The following IQANK1 variants were observed in gnomAD, a reference collection of about 807,000 sequenced individuals.
IQANK1 encodes IQ motif and ankyrin repeat containing 1.
IQANK1 carries 30 observed loss-of-function variants against 22.6 expected under a neutral mutation model. The observed-to-expected ratio is 1.33, with a 90% CI of 0.99 to 1.80. IQANK1 has a LOEUF of 1.80. Ranked by LOEUF, IQANK1 falls within the 40% of genes most tolerant of loss-of-function variation. The probability of loss-of-function intolerance (pLI) is 0.00; values close to 1 mark genes in which losing one functional copy is unlikely to be tolerated. For missense variants in IQANK1, 275 were observed against 235.2 expected (o/e 1.17, Z -1.11); for synonymous variants, 122 against 99.6 (o/e 1.23, Z -1.34).
chr8:143,740,004 G>A lies in IQANK1; in HGVS notation c.175+56G>A, dbSNP rs58681142. The A allele has an allele frequency of 0.017, 11,048 of 652,244 alleles. 865 individuals are homozygous for A. The African/African-American group carries it at 0.17, about 10-fold the overall frequency. 40.4% of individuals were successfully genotyped at this position (652,244 alleles called of 1,614,324 possible). ...GGTGACCGGGTGAGCTGTTGGCAGG[G>A]GGGTGCCCTGGCCCGGGACACGCTC... On this transcript the variant is annotated intron_variant, in intron 3 of 13. Coordinates refer to ENST00000527139, the MANE Select transcript of IQANK1 (RefSeq NM_001381874.1).
intron 3 of IQANK1, among the ~76,000 whole-genome samples, chr8:143,741,061 C>T (rs534059922): frequency 3.9e-5 from 6 of 152,184 alleles, no homozygotes; most frequent in Non-Finnish European, 5.9e-5. Context: ...TGCCCGGGAC[C>T]GTCTCCAATC....
At chr8:143,761,582 C>T (rs1554628884) in intron 3 of IQANK1, among the ~76,000 whole-genome samples, 1 of 152,134 alleles carries the variant, frequency 6.6e-6, no homozygotes, top group Non-Finnish European at 1.5e-5. Context: ...CCAACCTGGG[C>T]AACATAGTAA....
intron 3 of IQANK1, among the ~76,000 whole-genome samples, chr8:143,753,746 C>G (rs899918505): frequency 6.6e-6 from 1 of 152,164 alleles, no homozygotes; most frequent in Admixed American, 6.6e-5. Context: ...TGAGCCACCA[C>G]GCCCAGCTTT....
chr8:143,762,883 T>A (rs529108481), intron 3 of IQANK1, among the ~76,000 whole-genome samples: 3 of 152,306 alleles, frequency 2.0e-5, no homozygotes, highest in East Asian at 3.9e-4. Flanking sequence ...CCCCTAGTGA[T>A]GCTGTGTTTT....
rs1035551250 is a variant in IQANK1 at position 143,790,342 on chromosome 8, T to G, written c.1425-8T>G. 9.9e-6 allele frequency: 12 copies of G among 1,207,600 alleles called. No individual in the cohort carries two copies. In the South Asian group the frequency reaches 4.6e-4, roughly 46 times the overall value. The allele number at this position is 1,207,600 out of a possible 1,614,324, so 74.8% of individuals were successfully genotyped here. A position where few individuals can be genotyped will look rare whatever the true frequency, so the allele number is the denominator to read the frequency against. On this transcript the variant is annotated splice_polypyrimidine_tract_variant and splice_region_variant and intron_variant, in intron 13 of 13. Transcript: ENST00000527139. ...CCCCACCCTGGCCTCACCAGCCTCA[T>G]GGGGCAGGTATGGGAAGCCGCTGGT...
At chr8:143,786,577 G>A (rs181834412) in intron 7 of IQANK1, among the ~76,000 whole-genome samples, 4 of 152,276 alleles carry the variant, frequency 2.6e-5, no homozygotes, top group East Asian at 1.9e-4. Context: ...TAGCTCATCC[G>A]TTCATGATTA....
At chr8:143,759,134 T>G (rs1819345297) in intron 3 of IQANK1, 2 of 305,476 alleles carry the variant, frequency 6.5e-6, no homozygotes, top group South Asian at 7.2e-5. Flanking sequence ...AACACCACGA[T>G]GCTCCAGGAG....
intron 3 of IQANK1, among the ~76,000 whole-genome samples, chr8:143,763,968 C>T (rs1413352854): frequency 6.6e-6 from 1 of 151,978 alleles, no homozygotes; most frequent in Non-Finnish European, 1.5e-5. Flanking sequence ...TTCATTTCAA[C>T]GGAGTCACAA....
At chr8:143,751,223 T>C (rs1819182014) in intron 3 of IQANK1, among the ~76,000 whole-genome samples, 1 of 152,174 alleles carries the variant, frequency 6.6e-6, no homozygotes, top group Admixed American at 6.6e-5. Context: ...ATAATTCTTA[T>C]AAATGCACTG....
intron 3 of IQANK1, among the ~76,000 whole-genome samples, chr8:143,748,612 TATAA>T (rs1179627407): frequency 3.1e-5 from 4 of 129,504 alleles, no homozygotes; most frequent in Non-Finnish European, 4.6e-5. Flanking sequence ...ATATATAATA[TATAA>T]ATATATAATA....
At chr8:143,780,135 GATC>G (rs1243706258) in intron 7 of IQANK1, among the ~76,000 whole-genome samples, 14 of 152,064 alleles carry the variant, frequency 9.2e-5, no homozygotes, top group Admixed American at 8.5e-4. Flanking sequence ...CCTCTCCCCA[GATC>G]ATCATATCCT....
Position 143,751,064 on chromosome 8 carries a change from C to T in IQANK1, c.175+11116C>T, listed in dbSNP as rs114382005. ...TTACTATGGGGTTTACATTTAACACCCTAAAGTTCTAACTCTCCAATTTGA... is the reference window on the plus strand; with the variant it reads ...TTACTATGGGGTTTACATTTAACACTCTAAAGTTCTAACTCTCCAATTTGA... On this transcript the variant is annotated intron_variant, in intron 3 of 13. Transcript: ENST00000527139. 6.0e-3 allele frequency among the ~76,000 whole-genome samples: 915 copies of T among 151,424 alleles called. 13 individuals carry two copies. Among genetic ancestry groups the T allele is most frequent in the African/African-American group, 0.02 (842 of 41,278 alleles).
rs149079869 is a variant in IQANK1 at position 143,776,182 on chromosome 8, G to A, written c.789+3700G>A. On this transcript the variant is annotated intron_variant, in intron 7 of 13. Coordinates refer to ENST00000527139, the MANE Select transcript of IQANK1 (RefSeq NM_001381874.1). The stretch of plus-strand genomic sequence containing the variant: ...TAAAAATACAACAAATTAGCCGGGC[G>A]TGGTGGCGGGCGCCTGTAGTCCCAG... Among the ~76,000 whole-genome samples, 258 of 151,826 alleles carry A rather than the reference G, an allele frequency of 1.7e-3. 2 individuals are homozygous for A. The highest frequency in any genetic ancestry group is 5.9e-3 in the African/African-American group (245 of 41,316).
In IQANK1 at chr8:143,769,652, C is replaced by T. The variant is rs7844521; in HGVS notation, c.176-1836C>T. Among the ~76,000 whole-genome samples the T allele has an allele frequency of 9.6e-3, 1,468 of 152,300 alleles. 27 individuals are homozygous for T. Among genetic ancestry groups the T allele is most frequent in the African/African-American group, 0.033 (1,378 of 41,548 alleles). ...CCCGTCCTCTGCTGAGCAGCTGACC[C>T]TTTGCTCTGGGCCAGGCCAGGCCCA... On this transcript the variant is annotated intron_variant, in intron 3 of 13. Coordinates refer to ENST00000527139, the MANE Select transcript of IQANK1 (RefSeq NM_001381874.1).
chr8:143,762,662 G>A, intron 3 of IQANK1, among the ~76,000 whole-genome samples: 1 of 152,256 alleles, frequency 6.6e-6, no homozygotes, highest in East Asian at 1.9e-4. Context: ...ATTGAGGAAG[G>A]AAAAAATATT....
rs1563770494 is a variant in IQANK1 at position 143,748,857 on chromosome 8, A to ATATATAAATATATAAATATATATT, written c.175+8910_175+8911insATATAAATATATAAATATATATTT. ...CATATATAAATATATAAATATATAT[A>ATATATAAATATATAAATATATATT]TCATATATAAATATATAAATATATA... On this transcript the variant is annotated intron_variant, in intron 3 of 13. Transcript: ENST00000527139. Among the ~76,000 whole-genome samples, 3 of 73,654 alleles carry ATATATAAATATATAAATATATATT rather than the reference A, an allele frequency of 4.1e-5. No individual in the cohort carries two copies. In the East Asian group the frequency reaches 2.4e-3, roughly 59 times the overall value. The allele number at this position is 73,654 out of a possible 152,430, so 48.3% of individuals were successfully genotyped here. A position where few individuals can be genotyped will look rare whatever the true frequency, so the allele number is the denominator to read the frequency against.
intron 3 of IQANK1, among the ~76,000 whole-genome samples, chr8:143,767,042 G>A (rs1286356230): frequency 1.3e-5 from 2 of 152,234 alleles, no homozygotes; most frequent in Non-Finnish European, 2.9e-5. Flanking sequence ...TGAGAACATC[G>A]CACTGTCTTC....
chr8:143,749,463 A>C (rs9693312), intron 3 of IQANK1, among the ~76,000 whole-genome samples: 13 of 136,450 alleles, frequency 9.5e-5, no homozygotes, highest in Admixed American at 1.5e-4. Flanking sequence ...TATCATATAT[A>C]ATATATAAAT....
intron 3 of IQANK1, among the ~76,000 whole-genome samples, chr8:143,753,736 T>A (rs2129848164): frequency 6.6e-6 from 1 of 152,340 alleles, no homozygotes; most frequent in Non-Finnish European, 1.5e-5. Flanking sequence ...ATTATAGGTG[T>A]GAGCCACCAC....
Sources: gnomAD v4.1 joint callset for allele counts (sites outside exome capture counted in the v4.1 genomes callset) on GRCh38, gnomAD v4.1.1 for gene constraint, MANE v1.5 for transcripts, NCBI Gene and HGNC (gene_info 2026-07-23, HGNC 2026-07-21) for gene names.